SRRM4: variants seen among roughly 807,000 people sequenced by gnomAD.
SRRM4 encodes the protein serine/arginine repetitive matrix protein 4.
Under a neutral mutation model 68.9 loss-of-function variants are expected in SRRM4, and 33 were observed. The observed-to-expected ratio is 0.48, with a 90% CI of 0.36 to 0.64. SRRM4 has a LOEUF of 0.64. SRRM4 is among the 30% of genes least tolerant of loss of function. The pLI, the probability that SRRM4 is intolerant of heterozygous loss-of-function variation, is 0.00. For synonymous variants in SRRM4, 318 were observed against 318.8 expected, an observed-to-expected ratio of 1.00 and a Z score of 0.03; for missense variants, 817 against 827.1, an observed-to-expected ratio of 0.99 and a Z score of 0.15.
At position 119,161,429 on chromosome 12, in the gene SRRM4, T is replaced by C. The variant is rs1027479631; in HGVS notation, c.*4631T>C. The C allele has an allele frequency of 5.3e-5, 8 of 152,246 alleles. No individual in the cohort carries two copies. Among genetic ancestry groups the C allele is most frequent in the African/African-American group, 1.9e-4 (8 of 41,464 alleles). 9.4% of individuals were successfully genotyped at this position (152,246 alleles called of 1,614,324 possible). A position where few individuals can be genotyped will look rare whatever the true frequency, so the allele number is the denominator to read the frequency against. Reference sequence around the variant, plus strand: ...AGTGAGCCAATGATACTGACAGAAATGTCATCTCTCTTCTATCTGTGGTTG... The same window carrying C: ...AGTGAGCCAATGATACTGACAGAAACGTCATCTCTCTTCTATCTGTGGTTG... On this transcript the variant is annotated 3_prime_UTR_variant, in exon 13 of 13. Coordinates refer to ENST00000267260, the MANE Select transcript of SRRM4 (RefSeq NM_194286.4).
At chr12:119,085,822 A>T (rs890224813) in intron 1 of SRRM4, among the ~76,000 whole-genome samples, 1 of 152,110 alleles carries the variant, frequency 6.6e-6, no homozygotes, top group Non-Finnish European at 1.5e-5. Flanking sequence ...GGAGGCTGAG[A>T]TGCTTTGGAG....
At chr12:119,145,744 A>C in intron 9 of SRRM4, 59 bp downstream of exon 9, 132 of 1,364,858 alleles carry the variant, frequency 9.7e-5, no homozygotes, top group Non-Finnish European at 1.2e-4. Flanking sequence ...CCACCTTCTC[A>C]TGCTCTCATC....
chr12:119,023,107 G>T (rs1953526289), intron 1 of SRRM4, among the ~76,000 whole-genome samples: 1 of 152,150 alleles, frequency 6.6e-6, no homozygotes, highest in Admixed American at 6.5e-5. Context: ...CATTCTCTGG[G>T]GCTGAGAGCT....
intron 2 of SRRM4, among the ~76,000 whole-genome samples, chr12:119,113,517 T>C (rs1441157440): frequency 6.6e-6 from 1 of 152,238 alleles, no homozygotes; most frequent in African/African-American, 2.4e-5. Flanking sequence ...GCATAAATGC[T>C]AGTTGTGTCA....
chr12:119,103,718 T>C (rs1051911021), intron 2 of SRRM4, among the ~76,000 whole-genome samples: 18 of 152,162 alleles, frequency 1.2e-4, no homozygotes, highest in Admixed American at 1.0e-3. Context: ...TTTTAAAACA[T>C]TGGGCCAGGC....
chr12:119,053,377 C>T (rs1953756889), intron 1 of SRRM4, among the ~76,000 whole-genome samples: 1 of 152,146 alleles, frequency 6.6e-6, no homozygotes, highest in East Asian at 1.9e-4. Context: ...ATAGGAAACA[C>T]ATGCATAAAT....
intron 3 of SRRM4, among the ~76,000 whole-genome samples, chr12:119,114,741 T>C (rs914234803): frequency 7.1e-6 from 1 of 140,240 alleles, no homozygotes; most frequent in Admixed American, 8.0e-5. Context: ...CTCGGCTCCC[T>C]GCAATCTCCG....
chr12:118,981,875 G>A lies in SRRM4; in HGVS notation c.-8G>A. 1 of 1,613,244 alleles carries A rather than the reference G, an allele frequency of 6.2e-7. No individual in the cohort carries two copies. Among genetic ancestry groups the A allele is most frequent in the Non-Finnish European group, 8.5e-7 (1 of 1,179,564 alleles). On this transcript the variant is annotated 5_prime_UTR_variant, in exon 1 of 13. Coordinates refer to ENST00000267260, the MANE Select transcript of SRRM4 (RefSeq NM_194286.4). ...CGCCCCGGACGCCCCGGCCCCTTTGGGTTGGCGATGGCGAGCGTTCAGCAA... is the reference window on the plus strand; with the variant it reads ...CGCCCCGGACGCCCCGGCCCCTTTGAGTTGGCGATGGCGAGCGTTCAGCAA...
intron 8 of SRRM4, among the ~76,000 whole-genome samples, chr12:119,139,727 T>A (rs566800933): frequency 4.4e-4 from 67 of 152,196 alleles, no homozygotes; most frequent in African/African-American, 1.4e-3. Context: ...AACTGGCAGA[T>A]CAAAACCCCC....
At chr12:119,145,268 C>T in intron 8 of SRRM4, 113 bp from the exon 9 acceptor site, 1 of 914,042 alleles carries the variant, frequency 1.1e-6, no homozygotes. Context: ...CTTCTCCTCT[C>T]TCTCTCTTTC....
intron 9 of SRRM4, among the ~76,000 whole-genome samples, chr12:119,149,517 AG>A (rs1397456960): frequency 6.6e-6 from 1 of 152,234 alleles, no homozygotes; most frequent in Admixed American, 6.5e-5. Flanking sequence ...ATATAGGGAT[AG>A]GCAAAACATA....
chr12:119,130,511 G>C (rs1159943040), intron 7 of SRRM4, among the ~76,000 whole-genome samples, 167 bp from the exon 8 acceptor site: 2 of 152,052 alleles, frequency 1.3e-5, no homozygotes, highest in Non-Finnish European at 2.9e-5. Flanking sequence ...ACACAGTCCA[G>C]CTTTCATACA....
At chr12:119,063,256 T>C (rs1953825615) in intron 1 of SRRM4, among the ~76,000 whole-genome samples, 1 of 152,236 alleles carries the variant, frequency 6.6e-6, no homozygotes, top group Non-Finnish European at 1.5e-5. Flanking sequence ...CCCATGGCCA[T>C]GTATGCATGA....
intron 1 of SRRM4, among the ~76,000 whole-genome samples, chr12:119,062,775 C>T (rs1019094064): frequency 5.9e-5 from 9 of 152,124 alleles, no homozygotes; most frequent in African/African-American, 1.7e-4. Flanking sequence ...TGCCATTAAC[C>T]GAAAGACTGT....
chr12:119,005,683 G>A (rs955820487), intron 1 of SRRM4, among the ~76,000 whole-genome samples: 16 of 152,318 alleles, frequency 1.1e-4, no homozygotes, highest in African/African-American at 3.1e-4. Context: ...GGAATTAAAC[G>A]AAATTATATG....
chr12:119,089,237 A>G (rs1953998960), intron 1 of SRRM4, among the ~76,000 whole-genome samples: 1 of 151,934 alleles, frequency 6.6e-6, no homozygotes, highest in Non-Finnish European at 1.5e-5. Context: ...CACCACCCCA[A>G]GTCCTTTTGG....
chr12:119,133,232 A>T (rs1954308632), intron 8 of SRRM4: 1 of 152,224 alleles, frequency 6.6e-6, no homozygotes, highest in Non-Finnish European at 1.5e-5. Context: ...AGAGTATAAC[A>T]GGCAAGAAGT....
intron 1 of SRRM4, among the ~76,000 whole-genome samples, chr12:118,994,352 A>G (rs1953336270): frequency 6.6e-6 from 1 of 152,070 alleles, no homozygotes; most frequent in Admixed American, 6.5e-5. Flanking sequence ...AAGTGCTCCT[A>G]GATGCTTTTA....
chr12:119,001,982 CAAA>C (rs55674208), intron 1 of SRRM4: 23,442 of 136,492 alleles, frequency 0.17, 1,982 homozygotes, highest in East Asian at 0.37. Context: ...AAACATGTCT[CAAA>C]AAAAAAAAAA....
Sources: gnomAD v4.1 joint callset for allele counts (sites outside exome capture counted in the v4.1 genomes callset) on GRCh38, gnomAD v4.1.1 for gene constraint, MANE v1.5 for transcripts, NCBI Gene and HGNC (gene_info 2026-07-23, HGNC 2026-07-21) for gene names.